Variants in MTMR3 observed in about 807,000 individuals in gnomAD.
MTMR3 encodes myotubularin related protein 3, also known as phosphatidylinositol-3,5-bisphosphate 3-phosphatase MTMR3.
A neutral mutation model predicts 132.4 loss-of-function variants in MTMR3; 32 were observed. The ratio of observed to expected loss-of-function variants is 0.24; its 90% CI spans 0.18 to 0.32. The LOEUF (loss-of-function observed/expected upper bound fraction) is 0.32. Among genes scored for constraint, MTMR3 ranks in the 10% least tolerant of loss-of-function variants. The pLI is 1.00. For missense variants in MTMR3, 1,216 were observed against 1,489.6 expected (o/e 0.82, Z 3.02); for synonymous variants, 556 against 550.3 (o/e 1.01, Z -0.14).
intron 7 of MTMR3, chr22:29,997,613 A>T (rs1186361321): frequency 6.6e-6 from 1 of 152,242 alleles, no homozygotes; most frequent in African/African-American, 2.4e-5. Flanking sequence ...TCATTAGGGC[A>T]AATATAGCCA....
At chr22:29,925,056 CAG>C (rs901680008) in intron 1 of MTMR3, among the ~76,000 whole-genome samples, 25 of 152,180 alleles carry the variant, frequency 1.6e-4, no homozygotes, top group African/African-American at 5.8e-4. Flanking sequence ...TTTTTGGAGA[CAG>C]AGCAAACTCT....
In MTMR3 at chr22:29,988,477, C is replaced by T; in HGVS notation, c.211-3C>T. 6.2e-7 allele frequency: 1 copy of T among 1,607,220 alleles called. No individual in the cohort carries two copies. The highest frequency in any genetic ancestry group is 8.5e-7 in the Non-Finnish European group (1 of 1,176,118). On this transcript the variant is annotated splice_polypyrimidine_tract_variant and splice_region_variant and intron_variant, in intron 5 of 19. Coordinates refer to ENST00000401950, the MANE Select transcript of MTMR3 (RefSeq NM_021090.4). ...AGAGGACTTCATTTTTTTAAAATTG[C>T]AGGTTCCATTACAGCTTATAGAAAG...
intron 3 of MTMR3, among the ~76,000 whole-genome samples, chr22:29,972,504 A>C (rs1265896422): frequency 6.6e-6 from 1 of 152,204 alleles, no homozygotes; most frequent in Non-Finnish European, 1.5e-5. Context: ...TTTCTCATAA[A>C]GTAGCATTGT....
chr22:29,955,558 T>A (rs2066172010), intron 1 of MTMR3, among the ~76,000 whole-genome samples: 1 of 152,210 alleles, frequency 6.6e-6, no homozygotes, highest in Non-Finnish European at 1.5e-5. Context: ...AGTTCGTCTC[T>A]GAAGTTGCAA....
intron 16 of MTMR3, chr22:30,019,227 C>G: frequency 5.1e-6 from 2 of 391,374 alleles, no homozygotes; most frequent in South Asian, 5.6e-5. Flanking sequence ...AAGAAAATAG[C>G]ACTTGCTGTT....
chr22:29,966,803 GTTTC>G (rs948957833), intron 2 of MTMR3, among the ~76,000 whole-genome samples: 9 of 150,514 alleles, frequency 6.0e-5, no homozygotes, highest in Non-Finnish European at 1.3e-4. Context: ...GAGAGAGAAT[GTTTC>G]TTTATGAACT....
At chr22:29,941,131 G>A (rs9620928) in intron 1 of MTMR3, among the ~76,000 whole-genome samples, 15,854 of 150,526 alleles carry the variant, frequency 0.11, 1,346 homozygotes, top group Middle Eastern at 0.15. Context: ...AATTAGTTTC[G>A]TCCTTGAACT....
intron 9 of MTMR3, 39 bp from the exon 10 acceptor site, chr22:30,007,075 C>T (rs1435853423): frequency 6.2e-7 from 1 of 1,604,476 alleles, no homozygotes; most frequent in African/African-American, 1.3e-5. Flanking sequence ...CAGAGAGCAT[C>T]TGAATGGGTA....
chr22:30,023,028 A>C, intron 19 of MTMR3: 1 of 411,028 alleles, frequency 2.4e-6, no homozygotes, highest in Non-Finnish European at 4.5e-6. Flanking sequence ...CTATGAGCAA[A>C]ACCAGTTTTC....
intron 3 of MTMR3, among the ~76,000 whole-genome samples, chr22:29,972,329 A>C (rs2066551807): frequency 6.6e-6 from 1 of 152,130 alleles, no homozygotes; most frequent in Admixed American, 6.5e-5. Flanking sequence ...GGCTAGTAAC[A>C]GTGTGGTCCT....
At position 30,030,638 on chromosome 22, in the gene MTMR3, CG is replaced by C. The variant is rs5844886; in HGVS notation, c.*4847del. The C allele has an allele frequency of 0.073, 3,696 of 50,482 alleles. 178 individuals are homozygous for C. Among genetic ancestry groups the C allele is most frequent in the East Asian group, 0.21 (370 of 1,760 alleles). 3.1% of individuals were successfully genotyped at this position (50,482 alleles called of 1,614,324 possible). A position where few individuals can be genotyped will look rare whatever the true frequency, so the allele number is the denominator to read the frequency against. Reference sequence around the variant, plus strand: ...AGAGGGGCTCTCAGCGAGGAGGGGGCGGGGGGGGGGTCACTATTTATCTTCC... The same window carrying C: ...AGAGGGGCTCTCAGCGAGGAGGGGGCGGGGGGGGGTCACTATTTATCTTCC... On this transcript the variant is annotated 3_prime_UTR_variant, in exon 20 of 20. Coordinates refer to ENST00000401950, the MANE Select transcript of MTMR3 (RefSeq NM_021090.4).
chr22:29,915,652 G>T (rs1346929040), intron 1 of MTMR3, among the ~76,000 whole-genome samples: 2 of 152,128 alleles, frequency 1.3e-5, no homozygotes, highest in African/African-American at 2.4e-5. Context: ...TCAAACTCCT[G>T]ACTTTAGGTG....
intron 1 of MTMR3, among the ~76,000 whole-genome samples, chr22:29,945,590 A>T (rs999201570): frequency 1.3e-5 from 2 of 151,936 alleles, no homozygotes; most frequent in African/African-American, 4.8e-5. Context: ...CTGTGGTCCC[A>T]GCTACTTGGG....
At chr22:29,954,270 T>C (rs545791797) in intron 1 of MTMR3, among the ~76,000 whole-genome samples, 1 of 151,950 alleles carries the variant, frequency 6.6e-6, no homozygotes, top group Non-Finnish European at 1.5e-5. Flanking sequence ...TATTTTATTT[T>C]ATTTTTATTT....
chr22:29,894,703 G>A (rs1009624922), intron 1 of MTMR3, among the ~76,000 whole-genome samples: 2 of 152,074 alleles, frequency 1.3e-5, no homozygotes, highest in Non-Finnish European at 2.9e-5. Flanking sequence ...GAGTTGAGCC[G>A]TTCTAAGTTT....
chr22:29,926,240 C>G (rs1424344519), intron 1 of MTMR3, among the ~76,000 whole-genome samples: 1 of 152,150 alleles, frequency 6.6e-6, no homozygotes, highest in Non-Finnish European at 1.5e-5. Flanking sequence ...CTTTTAATGG[C>G]TGAATAATAC....
intron 17 of MTMR3, chr22:30,021,731 A>T (rs113652448): frequency 0.043 from 14,557 of 339,842 alleles, 474 homozygotes; most frequent in South Asian, 0.058. Flanking sequence ...AGCAGCTGAC[A>T]TACAGAATTC....
intron 1 of MTMR3, among the ~76,000 whole-genome samples, chr22:29,917,096 G>A (rs1407845723): frequency 6.6e-6 from 1 of 152,146 alleles, no homozygotes; most frequent in African/African-American, 2.4e-5. Context: ...TCAAACAGGA[G>A]GACTGTGCTT....
chr22:29,948,791 T>C (rs1450501494), intron 1 of MTMR3, among the ~76,000 whole-genome samples: 1 of 114,122 alleles, frequency 8.8e-6, no homozygotes, highest in African/African-American at 3.8e-5. Context: ...TAAAAACATA[T>C]TATTGTCTAA....
Sources: gnomAD v4.1 joint callset for allele counts (sites outside exome capture counted in the v4.1 genomes callset) on GRCh38, gnomAD v4.1.1 for gene constraint, MANE v1.5 for transcripts, NCBI Gene and HGNC (gene_info 2026-07-23, HGNC 2026-07-21) for gene names.